Variants in ZKSCAN4 observed in about 807,000 individuals in gnomAD.
ZKSCAN4 encodes zinc finger protein with KRAB and SCAN domains 4.
ZKSCAN4 carries 23 observed loss-of-function variants against 30.8 expected under a neutral mutation model. The ratio of observed to expected loss-of-function variants is 0.75; its 90% CI spans 0.54 to 1.06. The LOEUF (loss-of-function observed/expected upper bound fraction) is 1.06, where lower values mean the gene tolerates loss of function less well. Ranked by LOEUF, ZKSCAN4 falls within the 50% of genes least tolerant of loss-of-function variation. ZKSCAN4 has a pLI of 0.00. For missense variants in ZKSCAN4, 556 were observed against 665.4 expected, an observed-to-expected ratio of 0.84 and a Z score of 1.81; for synonymous variants, 208 against 252.5, an observed-to-expected ratio of 0.82 and a Z score of 1.67.
chr6:28,255,093 T>C (rs1026185998), upstream of ZKSCAN4, among the ~76,000 whole-genome samples: 2 of 152,194 alleles, frequency 1.3e-5, no homozygotes, highest in Non-Finnish European at 2.9e-5. Flanking sequence ...AACCTATACA[T>C]TTGGGCTGGC....
At position 28,245,441 on chromosome 6, in the gene ZKSCAN4, C is replaced by T. The variant is rs184936839; in HGVS notation, c.1313G>A (p.Gly438Asp). 3.3e-5 allele frequency: 54 copies of T among 1,614,206 alleles called. No homozygotes were observed. The East Asian group carries it at 1.1e-3, about 33-fold the overall frequency. Residue 438 changes from glycine to aspartate, a missense_variant, in exon 5 of 5, where the codon GGC (glycine) becomes GAC (aspartate). Gly to Asp is a moderately conservative substitution (Grantham distance 94). Coordinates refer to ENST00000377294, the MANE Select transcript of ZKSCAN4 (RefSeq NM_019110.5). ...GEKPYQCNMC[G>D]KAFRRNSHLL... ...ATGTGAATTCCGCCTAAAGGCTTTG[C>T]CACACATATTGCACTGGTATGGCTT...
In ZKSCAN4 at chr6:28,243,265, A is replaced by G. The variant is rs1760564538; in HGVS notation, c.*1851T>C. On this transcript the variant is annotated 3_prime_UTR_variant, in exon 5 of 5. Coordinates refer to ENST00000377294, the MANE Select transcript of ZKSCAN4 (RefSeq NM_019110.5). The stretch of plus-strand genomic sequence containing the variant: ...TGAAGGCAATAAAAGATTGTAGGGA[A>G]TTAATAAAGGGAGAGCTCTACGGTT... Among the ~76,000 whole-genome samples, 1 of 152,248 alleles carries G rather than the reference A, an allele frequency of 6.6e-6. No homozygotes were observed.
Position 28,243,495 on chromosome 6 carries a change from C to T in ZKSCAN4, c.*1621G>A, listed in dbSNP as rs1346316379. Among the ~76,000 whole-genome samples the T allele has an allele frequency of 1.3e-5, 2 of 152,126 alleles. No homozygotes were observed. Among genetic ancestry groups the T allele is most frequent in the East Asian group, 1.9e-4 (1 of 5,198 alleles). On this transcript the variant is annotated 3_prime_UTR_variant, in exon 5 of 5. Transcript: ENST00000377294. ...TCGGAAGAAATCAGTCTTTAAGCAT[C>T]GCAGGTGATTTGGGTGAAAGCAGAA...
Position 28,252,057 on chromosome 6 carries a change from A to G in ZKSCAN4, c.-77T>C. On this transcript the variant is annotated 5_prime_UTR_variant, in exon 1 of 5. Transcript: ENST00000377294. ...TCAGAGGATTCTGGAAGGGTGGTAA[A>G]TTTTCCAGTAGAACTGCAAGTGGTC... The G allele has an allele frequency of 6.9e-7, 1 of 1,456,460 alleles. No individual in the cohort carries two copies. The highest frequency in any genetic ancestry group is 9.1e-7 in the Non-Finnish European group (1 of 1,094,338). The allele number at this position is 1,456,460 out of a possible 1,614,324, so 90.2% of individuals were successfully genotyped here. A position where few individuals can be genotyped will look rare whatever the true frequency, so the allele number is the denominator to read the frequency against.
At chr6:28,256,673 A>G (rs1761186898), upstream of ZKSCAN4, among the ~76,000 whole-genome samples, 1 of 152,234 alleles carries the variant, frequency 6.6e-6, no homozygotes, top group South Asian at 2.1e-4. Flanking sequence ...TCATCTATAA[A>G]TAAAATTTAG....
At chr6:28,258,017 A>G in the ZKSCAN4 span, among the ~76,000 whole-genome samples, 3 of 152,250 alleles carry the variant, frequency 2.0e-5, no homozygotes, top group Non-Finnish European at 2.9e-5. Context: ...GACCATTCAC[A>G]TATAATACTC....
At chr6:28,247,362 G>A (rs1760782903) in intron 3 of ZKSCAN4, among the ~76,000 whole-genome samples, 2 of 152,200 alleles carry the variant, frequency 1.3e-5, no homozygotes, top group Admixed American at 1.3e-4. Flanking sequence ...TGCAGCAAAA[G>A]GAATGGAACT....
intron 2 of ZKSCAN4, among the ~76,000 whole-genome samples, chr6:28,248,826 CAAA>C (rs1208495527): frequency 7.8e-5 from 4 of 51,030 alleles, no homozygotes; most frequent in Non-Finnish European, 9.1e-5. Context: ...ACCCCCATCT[CAAA>C]AAAAAAAAAA....
chr6:28,255,864 G>A (rs1281197569), upstream of ZKSCAN4, among the ~76,000 whole-genome samples: 1 of 152,104 alleles, frequency 6.6e-6, no homozygotes, highest in East Asian at 1.9e-4. Context: ...TGATGACCTT[G>A]AGTTAGAATC....
rs1462355668 is a variant in ZKSCAN4 at position 28,241,858 on chromosome 6, A to G, written c.*3258T>C. ...CTTATTTGTATAAGCAGATCCTCAG[A>G]ATCCTAGGAGTTAAGTTGTCATTCC... On this transcript the variant is annotated 3_prime_UTR_variant, in exon 5 of 5. Transcript: ENST00000377294. Among the ~76,000 whole-genome samples the G allele has an allele frequency of 6.6e-6, 1 of 152,124 alleles. No individual in the cohort carries two copies. The highest frequency in any genetic ancestry group is 1.5e-5 in the Non-Finnish European group (1 of 67,996).
At chr6:28,246,093 T>G (rs1760721724) in intron 4 of ZKSCAN4, 118 bp from the exon 5 acceptor site, 1 of 1,364,752 alleles carries the variant, frequency 7.3e-7, no homozygotes, top group Non-Finnish European at 1.0e-6. Flanking sequence ...GATGAGGATT[T>G]AAGTGCTAGA....
Position 28,245,246 on chromosome 6 carries a change from A to G in ZKSCAN4, c.1508T>C (p.Ile503Thr), listed in dbSNP as rs968209334. ...ACCAGTGTGGATTTTCTGATGTTCAATAAGACTTCTATTCCGTGTGAAACT... is the reference window on the plus strand; with the variant it reads ...ACCAGTGTGGATTTTCTGATGTTCAGTAAGACTTCTATTCCGTGTGAAACT... ...ERSFTRNRSL[I>T]EHQKIHTGEK... The change falls in exon 5 of 5, where the codon ATT becomes ACT. Residue 503 changes from isoleucine to threonine, a missense_variant. By Grantham distance (89) the Ile-to-Thr change is moderately conservative (BLOSUM62 -1). Around this residue, in one of 3 missense-constraint regions of ZKSCAN4, gnomAD observed 433 missense variants for 511.5 expected, o/e 0.85. Coordinates refer to ENST00000377294, the MANE Select transcript of ZKSCAN4 (RefSeq NM_019110.5). 7 of 1,612,468 alleles carry G rather than the reference A, an allele frequency of 4.3e-6. No individual in the cohort carries two copies. Among genetic ancestry groups the G allele is most frequent in the Non-Finnish European group, 5.9e-6 (7 of 1,179,452 alleles).
chr6:28,258,938 A>G, the ZKSCAN4 span, among the ~76,000 whole-genome samples: 2 of 152,130 alleles, frequency 1.3e-5, no homozygotes, highest in Non-Finnish European at 2.9e-5. Flanking sequence ...TTCCTTTTTT[A>G]GGAAGGAAAA....
At chr6:28,256,761 A>C (rs2113697245), upstream of ZKSCAN4, among the ~76,000 whole-genome samples, 1 of 152,336 alleles carries the variant, frequency 6.6e-6, no homozygotes, top group East Asian at 1.9e-4. Flanking sequence ...TTTTTGCACC[A>C]CTGCTTTTTC....
At position 28,244,470 on chromosome 6, in the gene ZKSCAN4, G is replaced by T. The variant is rs150089046; in HGVS notation, c.*646C>A. On this transcript the variant is annotated 3_prime_UTR_variant, in exon 5 of 5. Transcript: ENST00000377294. ...CATTCTTCTCATCTCTACTATCATG[G>T]TAGAGAAATATGGATTCCCCCACCC... Among the ~76,000 whole-genome samples the T allele has an allele frequency of 1.3e-5, 2 of 152,202 alleles. No individual in the cohort carries two copies. Among genetic ancestry groups the T allele is most frequent in the East Asian group, 3.9e-4 (2 of 5,180 alleles).
In ZKSCAN4 at chr6:28,251,114, G is replaced by T. The variant is rs998857031; in HGVS notation, c.423+444C>A. On this transcript the variant is annotated intron_variant, in intron 1 of 4. Transcript: ENST00000377294. This position sits in a 1 kb window ranked among gnomAD's most constrained non-coding sequence, Gnocchi z 4.5. ...GAGAGTTAACATTTCCTTCAATTAT[G>T]AATGGAAGCAACAAATCAAGGTAGC... 6.6e-6 allele frequency among the ~76,000 whole-genome samples: 1 copy of T among 152,164 alleles called. No individual in the cohort carries two copies. Among genetic ancestry groups the T allele is most frequent in the Non-Finnish European group, 1.5e-5 (1 of 68,026 alleles).
chr6:28,241,722 C>A lies in ZKSCAN4; in HGVS notation c.*3394G>T, dbSNP rs1561851868. 6.6e-6 allele frequency among the ~76,000 whole-genome samples: 1 copy of A among 152,080 alleles called. No homozygotes were observed. Among genetic ancestry groups the A allele is most frequent in the African/African-American group, 2.4e-5 (1 of 41,420 alleles). ...TTACAGGACACTTTTAAAATATAGT[C>A]TTTATTATTAAACAATTATAATTCC... is the stretch of plus-strand genomic sequence containing the variant. On this transcript the variant is annotated 3_prime_UTR_variant, in exon 5 of 5. Transcript: ENST00000377294.
rs769541709 is a variant in ZKSCAN4, at chr6:28,251,400, GAGA to G, written c.423+155_423+157del. The G allele has an allele frequency of 5.1e-5, 57 of 1,120,766 alleles. No individual in the cohort carries two copies. The East Asian group carries it at 1.3e-3, about 25-fold the overall frequency. The allele number at this position is 1,120,766 out of a possible 1,614,324, so 69.4% of individuals were successfully genotyped here. A position where few individuals can be genotyped will look rare whatever the true frequency, so the allele number is the denominator to read the frequency against. ...TTTATATATTTAAAAATATAATTCT[GAGA>G]AGGAGTCCAGGGACTTCACCTTACT... is the stretch of plus-strand genomic sequence containing the variant. On this transcript the variant is annotated intron_variant, in intron 1 of 4. Coordinates refer to ENST00000377294, the MANE Select transcript of ZKSCAN4 (RefSeq NM_019110.5). This position sits in a 1 kb window ranked among gnomAD's most constrained non-coding sequence, Gnocchi z 4.5.
Position 28,242,341 on chromosome 6 carries a change from A to G in ZKSCAN4, c.*2775T>C, listed in dbSNP as rs1039871361. 1.3e-5 allele frequency among the ~76,000 whole-genome samples: 2 copies of G among 152,212 alleles called. No homozygotes were observed. Among genetic ancestry groups the G allele is most frequent in the African/African-American group, 4.8e-5 (2 of 41,458 alleles). ...TTATAAACACATACCACTGTTTTAT[A>G]GAAAAGTGGAGTATCTAAAAGACTG... is the stretch of plus-strand genomic sequence containing the variant. On this transcript the variant is annotated 3_prime_UTR_variant, in exon 5 of 5. Coordinates refer to ENST00000377294, the MANE Select transcript of ZKSCAN4 (RefSeq NM_019110.5).
Sources: gnomAD v4.1 joint callset for allele counts (sites outside exome capture counted in the v4.1 genomes callset) on GRCh38, gnomAD v4.1.1 for gene constraint, gnomAD v4.1.1 regional missense constraint, Gnocchi (gnomAD v3.1) non-coding constraint, MANE v1.5 for transcripts, NCBI Gene and HGNC (gene_info 2026-07-23, HGNC 2026-07-21) for gene names.